KAZN: variants seen among roughly 807,000 people sequenced by gnomAD.
The protein encoded by KAZN is kazrin.
In KAZN, 40 loss-of-function variants were observed where a neutral mutation model predicts 87.4. The observed-to-expected ratio is 0.46, with a 90% confidence interval of 0.36 to 0.60. The LOEUF is 0.60. Ranked by LOEUF, KAZN falls within the 20% of genes least tolerant of loss-of-function variation. The probability of loss-of-function intolerance (pLI) is 0.00; values close to 1 mark genes in which losing one functional copy is unlikely to be tolerated. For synonymous variants in KAZN, 466 were observed against 458.3 expected (o/e 1.02, Z -0.22); for missense variants, 898 against 1,073.9 (o/e 0.84, Z 2.29).
At chr1:15,110,255 G>T (rs1320843039) in intron 13 of KAZN, among the ~76,000 whole-genome samples, 1 of 45,722 alleles carries the variant, frequency 2.2e-5, no homozygotes, top group East Asian at 7.6e-4. Flanking sequence ...ATGTGTATGT[G>T]CACTTGTGTG....
rs140953190 is a variant in KAZN, at chr1:14,682,961, G to C, written c.226+83738G>C. On this transcript the variant is annotated intron_variant, in intron 1 of 14. Transcript: ENST00000376030. ...TCCTCTCTCCTTTTCTTTTTCAAGAGCTTCAGTTCCTACCAGAGTCTGAAA... is the reference window on the plus strand; with the variant it reads ...TCCTCTCTCCTTTTCTTTTTCAAGACCTTCAGTTCCTACCAGAGTCTGAAA... Among the ~76,000 whole-genome samples, 397 of 152,286 alleles carry C rather than the reference G, an allele frequency of 2.6e-3. 1 individual carries two copies. Among genetic ancestry groups the C allele is most frequent in the African/African-American group, 9.2e-3 (383 of 41,558 alleles).
At chr1:14,082,183 A>G (rs917267407) in intron 1 of KAZN, among the ~76,000 whole-genome samples, 10 of 152,128 alleles carry the variant, frequency 6.6e-5, no homozygotes, top group African/African-American at 2.2e-4. Context: ...ATATGAATGT[A>G]TTTATTCTCT....
At chr1:14,432,522 T>C (rs1402863459) in intron 2 of KAZN, among the ~76,000 whole-genome samples, 2 of 152,206 alleles carry the variant, frequency 1.3e-5, no homozygotes, top group East Asian at 1.9e-4. Flanking sequence ...TGACGAATCA[T>C]TGCGATTGGC....
At chr1:14,716,776 A>G (rs925373174) in intron 1 of KAZN, among the ~76,000 whole-genome samples, 2 of 152,120 alleles carry the variant, frequency 1.3e-5, no homozygotes, top group Admixed American at 6.5e-5. Flanking sequence ...GTGCTCTGTG[A>G]ATCCTCTGCA....
At chr1:14,867,596 G>A (rs141582745) in intron 1 of KAZN, among the ~76,000 whole-genome samples, 4 of 152,162 alleles carry the variant, frequency 2.6e-5, no homozygotes, top group Non-Finnish European at 4.4e-5. Flanking sequence ...GACAGAGCAC[G>A]TAGTTGTCCG....
intron 1 of KAZN, among the ~76,000 whole-genome samples, chr1:14,747,391 C>T (rs1644290191): frequency 6.6e-6 from 1 of 152,124 alleles, no homozygotes; most frequent in Admixed American, 6.5e-5. Flanking sequence ...ATCCTCCTTC[C>T]TCAGCCTCCC....
chr1:14,762,559 A>G (rs12128426), intron 1 of KAZN, among the ~76,000 whole-genome samples: 11,439 of 152,142 alleles, frequency 0.075, 591 homozygotes, highest in Non-Finnish European at 0.11. Context: ...CCCCGTCTCT[A>G]CTAAAAATAC....
chr1:14,985,016 G>T lies in KAZN; in HGVS notation c.418+24141G>T, dbSNP rs149670773. Among the ~76,000 whole-genome samples, 293 of 151,972 alleles carry T rather than the reference G, an allele frequency of 1.9e-3. 1 individual carries two copies. The highest frequency in any genetic ancestry group is 6.7e-3 in the African/African-American group (277 of 41,448). ...CCAGGCGTGGTGGTGCTCACCTGTA[G>T]TCCCAGCTACTCAGGAGGCTGAAGC... On this transcript the variant is annotated intron_variant, in intron 2 of 14. Coordinates refer to ENST00000376030, the MANE Select transcript of KAZN (RefSeq NM_201628.3).
At chr1:14,410,951 T>C (rs567666276) in intron 2 of KAZN, among the ~76,000 whole-genome samples, 2 of 152,360 alleles carry the variant, frequency 1.3e-5, no homozygotes, top group South Asian at 4.1e-4. Context: ...AGAGAATAAA[T>C]TTCTGTTGTT....
At chr1:14,270,766 C>G (rs1340664507) in intron 2 of KAZN, among the ~76,000 whole-genome samples, 2 of 152,128 alleles carry the variant, frequency 1.3e-5, no homozygotes, top group Non-Finnish European at 2.9e-5. Flanking sequence ...CCTCCCTTCT[C>G]TCAATAACCC....
At chr1:14,933,779 A>G (rs1433114199) in intron 1 of KAZN, among the ~76,000 whole-genome samples, 4 of 151,698 alleles carry the variant, frequency 2.6e-5, no homozygotes, top group Non-Finnish European at 1.5e-5. Flanking sequence ...AGTAGCTAGG[A>G]CTACAGGCAT....
chr1:14,022,468 C>A (rs1297262357), intron 1 of KAZN, among the ~76,000 whole-genome samples: 1 of 109,376 alleles, frequency 9.1e-6, no homozygotes, highest in African/African-American at 3.5e-5. Context: ...TGCATTATAG[C>A]TTTCACGTAT....
chr1:14,322,110 G>C (rs2100842057), intron 2 of KAZN, among the ~76,000 whole-genome samples: 1 of 152,182 alleles, frequency 6.6e-6, no homozygotes, highest in African/African-American at 2.4e-5. Flanking sequence ...AAACTTGGTA[G>C]AGGCTCTCTG....
At chr1:15,036,229 C>G (rs1226808495) in intron 3 of KAZN, among the ~76,000 whole-genome samples, 2 of 144,220 alleles carry the variant, frequency 1.4e-5, no homozygotes, top group Non-Finnish European at 3.1e-5. Context: ...CCTCTCCCCC[C>G]ATCCCCCTCT....
chr1:14,011,272 G>A lies in KAZN; in HGVS notation c.91+117516G>A, dbSNP rs141188413. Among the ~76,000 whole-genome samples, 814 of 152,188 alleles carry A rather than the reference G, an allele frequency of 5.3e-3. 1 individual carries two copies. The highest frequency in any genetic ancestry group is 0.015 in the African/African-American group (611 of 41,512). On this transcript the variant is annotated intron_variant, in intron 1 of 16. Coordinates refer to the KAZN transcript ENST00000636203. ...GTGGCTGCCTGATCAGATTCGTTTCGCACTCTTTCTTGCTCACCATGATCC... is the reference window on the plus strand; with the variant it reads ...GTGGCTGCCTGATCAGATTCGTTTCACACTCTTTCTTGCTCACCATGATCC...
At chr1:13,996,834 C>G (rs1007911890) in intron 1 of KAZN, among the ~76,000 whole-genome samples, 1 of 152,052 alleles carries the variant, frequency 6.6e-6, no homozygotes, top group South Asian at 2.1e-4. Flanking sequence ...CGAAGCACAC[C>G]CCCCTCCGCA....
chr1:15,103,554 C>A, intron 12 of KAZN, 94 bp downstream of exon 12: 2 of 822,328 alleles, frequency 2.4e-6, no homozygotes, highest in Non-Finnish European at 4.1e-6. Context: ...ACATGCAAAT[C>A]AATATGCAGA....
At chr1:14,650,540 T>C (rs1264514400) in intron 1 of KAZN, among the ~76,000 whole-genome samples, 1 of 152,176 alleles carries the variant, frequency 6.6e-6, no homozygotes, top group Non-Finnish European at 1.5e-5. Flanking sequence ...AGTGAAACCC[T>C]GTCTCAAAAA....
intron 1 of KAZN, chr1:14,180,419 C>A (rs1646172659): frequency 6.5e-7 from 1 of 1,543,514 alleles, no homozygotes; most frequent in Non-Finnish European, 8.7e-7. Context: ...ACTTTTCCTT[C>A]TTTTTCTTTC....
Sources: gnomAD v4.1 joint callset for allele counts (sites outside exome capture counted in the v4.1 genomes callset) on GRCh38, gnomAD v4.1.1 for gene constraint, MANE v1.5 for transcripts, NCBI Gene and HGNC (gene_info 2026-07-23, HGNC 2026-07-21) for gene names.